Variants in COL11A1 observed in about 807,000 individuals in gnomAD.
The protein encoded by COL11A1 is collagen alpha-1(XI) chain.
Under a neutral mutation model 265.2 loss-of-function variants are expected in COL11A1, and 74 were observed. The observed-to-expected ratio is 0.28, with a 90% CI of 0.23 to 0.34. The LOEUF (loss-of-function observed/expected upper bound fraction) is 0.34, where lower values mean the gene tolerates loss of function less well. Among genes scored for constraint, COL11A1 ranks in the 10% least tolerant of loss-of-function variants. The pLI is 1.00. For synonymous variants in COL11A1, 816 were observed against 727.6 expected, an observed-to-expected ratio of 1.12 and a Z score of -1.96; for missense variants, 2,165 against 2,263.6, an observed-to-expected ratio of 0.96 and a Z score of 0.88.
intron 28 of COL11A1, among the ~76,000 whole-genome samples, chr1:102,994,775 A>T (rs753115206): frequency 6.6e-6 from 1 of 152,130 alleles, no homozygotes; most frequent in Non-Finnish European, 1.5e-5. Flanking sequence ...TGAGTGTATT[A>T]GTCCGCTTTT....
At chr1:103,096,190 G>C (rs1391374845) in intron 1 of COL11A1, among the ~76,000 whole-genome samples, 3 of 151,936 alleles carry the variant, frequency 2.0e-5, no homozygotes, top group Non-Finnish European at 2.9e-5. Flanking sequence ...CTGCTGTGTT[G>C]AGAAGAAACT....
At chr1:102,895,555 A>G (rs573744634) in intron 57 of COL11A1, among the ~76,000 whole-genome samples, 2 of 152,132 alleles carry the variant, frequency 1.3e-5, no homozygotes, top group African/African-American at 4.8e-5. Flanking sequence ...GGATGTGAAT[A>G]TATGTTATAA....
chr1:102,983,912 T>C (rs946547535), intron 31 of COL11A1, among the ~76,000 whole-genome samples: 3 of 152,136 alleles, frequency 2.0e-5, no homozygotes. Context: ...TTACCGATTA[T>C]GCCTTCGTTT....
chr1:103,108,173 C>T lies in COL11A1; in HGVS notation c.6G>A (p.Glu2=), dbSNP rs2102453487. The T allele has an allele frequency of 6.2e-7, 1 of 1,613,598 alleles. No homozygotes were observed. Among genetic ancestry groups the T allele is most frequent in the Non-Finnish European group, 8.5e-7 (1 of 1,179,822 alleles). Residue 2 remains glutamate, a synonymous_variant, in exon 1 of 67, where the codon GAG becomes GAA. Coordinates refer to ENST00000370096, the MANE Select transcript of COL11A1 (RefSeq NM_001854.4). M[E]PWSSRWKTKR... Reference sequence around the variant, plus strand: ...TCGTTTTCCACCTAGAGGACCACGGCTCCATCTCCGAGCCCCGCACTCACA... The same window carrying T: ...TCGTTTTCCACCTAGAGGACCACGGTTCCATCTCCGAGCCCCGCACTCACA...
At chr1:103,095,916 T>C (rs534144409) in intron 1 of COL11A1, among the ~76,000 whole-genome samples, 8 of 152,178 alleles carry the variant, frequency 5.3e-5, no homozygotes, top group Non-Finnish European at 8.8e-5. Flanking sequence ...TAAAAAAGAT[T>C]GACTGCATGG....
At chr1:103,004,798 A>G in intron 18 of COL11A1, 137 bp from the exon 19 acceptor site, 2 of 658,664 alleles carry the variant, frequency 3.0e-6, no homozygotes, top group South Asian at 4.7e-5. Context: ...TCCTCAAAAA[A>G]TTTTGCAGAT....
chr1:103,074,838 G>A lies in COL11A1; in HGVS notation c.489-58C>T, dbSNP rs972713482. The A allele has an allele frequency of 2.0e-5, 31 of 1,569,010 alleles. No homozygotes were observed. The African/African-American group carries it at 3.4e-4, about 17-fold the overall frequency. Reference sequence around the variant, plus strand: ...CAAAGAAACAGTGGTTGCCAAAGCAGTATTCACATAAAAATGCTGTGTATT... The same window carrying A: ...CAAAGAAACAGTGGTTGCCAAAGCAATATTCACATAAAAATGCTGTGTATT... On this transcript the variant is annotated intron_variant, in intron 3 of 66. Coordinates refer to ENST00000370096, the MANE Select transcript of COL11A1 (RefSeq NM_001854.4).
At chr1:102,989,183 CAAA>C (rs1324198831) in intron 29 of COL11A1, among the ~76,000 whole-genome samples, 1 of 151,862 alleles carries the variant, frequency 6.6e-6, no homozygotes, top group Non-Finnish European at 1.5e-5. Flanking sequence ...GCAAACTTAT[CAAA>C]TTACTTCTAG....
chr1:102,959,432 C>A (rs1342822224), intron 41 of COL11A1, among the ~76,000 whole-genome samples: 1 of 138,822 alleles, frequency 7.2e-6, no homozygotes, highest in Non-Finnish European at 1.6e-5. Flanking sequence ...GTAATCTGCA[C>A]TCTGTGAAGC....
chr1:103,013,434 T>C lies in COL11A1; in HGVS notation c.1573-965A>G, dbSNP rs958656355. On this transcript the variant is annotated intron_variant, in intron 13 of 66. Coordinates refer to ENST00000370096, the MANE Select transcript of COL11A1 (RefSeq NM_001854.4). Reference sequence around the variant, plus strand: ...CATAAAATATTTAAGTTCAAATAATTACCTTAAAATCGTTCAAAAGAATAT... The same window carrying C: ...CATAAAATATTTAAGTTCAAATAATCACCTTAAAATCGTTCAAAAGAATAT... Among the ~76,000 whole-genome samples the C allele has an allele frequency of 5.9e-5, 9 of 152,084 alleles. No homozygotes were observed. In the East Asian group the frequency reaches 1.5e-3, roughly 26 times the overall value.
intron 31 of COL11A1, among the ~76,000 whole-genome samples, chr1:102,983,452 C>G (rs2101709835): frequency 6.6e-6 from 1 of 152,076 alleles, no homozygotes; most frequent in East Asian, 1.9e-4. Context: ...GGCGAGTGTT[C>G]TTACAAGAGA....
intron 4 of COL11A1, among the ~76,000 whole-genome samples, chr1:103,071,226 C>A (rs955555699): frequency 6.6e-6 from 1 of 150,816 alleles, no homozygotes; most frequent in Non-Finnish European, 1.5e-5. Flanking sequence ...GAAAGACCTG[C>A]AATAATCTGT....
At chr1:103,067,662 A>G (rs988001912) in intron 4 of COL11A1, among the ~76,000 whole-genome samples, 1 of 151,764 alleles carries the variant, frequency 6.6e-6, no homozygotes, top group Non-Finnish European at 1.5e-5. Context: ...ACAGAGCCTG[A>G]AACTGGTTTG....
Position 102,880,074 on chromosome 1 carries a change from C to T in COL11A1, c.5041-158G>A, listed in dbSNP as rs368240232. ...ATGAAAAAAAGTGTACATTGAGGGT[C>T]AGAAGACCCAGAGACAAGATTTTAT... is the stretch of plus-strand genomic sequence containing the variant. On this transcript the variant is annotated intron_variant, in intron 65 of 66. Transcript: ENST00000370096. 72 of 609,258 alleles carry T rather than the reference C, an allele frequency of 1.2e-4. 1 individual carries two copies. The Middle Eastern group carries it at 3.5e-3, about 30-fold the overall frequency. The allele number at this position is 609,258 out of a possible 1,614,324, so 37.7% of individuals were successfully genotyped here. A position where few individuals can be genotyped will look rare whatever the true frequency, so the allele number is the denominator to read the frequency against.
At chr1:103,044,389 T>C (rs1376412652) in intron 4 of COL11A1, among the ~76,000 whole-genome samples, 1 of 152,116 alleles carries the variant, frequency 6.6e-6, no homozygotes, top group African/African-American at 2.4e-5. Context: ...ATCCCAAAAC[T>C]AACTTAAGAA....
chr1:102,962,807 G>A, intron 38 of COL11A1, 47 bp from the exon 39 acceptor site: 2 of 1,547,784 alleles, frequency 1.3e-6, no homozygotes, highest in Non-Finnish European at 1.8e-6. Context: ...TTTATTTTTG[G>A]CAAAGATAAC....
intron 6 of COL11A1, 154 bp downstream of exon 6, chr1:103,026,062 A>C: frequency 1.6e-6 from 2 of 1,250,334 alleles, no homozygotes; most frequent in Non-Finnish European, 2.4e-6. Context: ...ATCATTCTTC[A>C]AAACGGCTAC....
At chr1:102,987,851 C>G (rs373070269) in intron 29 of COL11A1, 111 bp from the exon 30 acceptor site, 12 of 797,630 alleles carry the variant, frequency 1.5e-5, no homozygotes, top group East Asian at 1.3e-4. Context: ...CTCCATCTTG[C>G]CTTTTACCTT....
chr1:102,914,951 T>C (rs1350812148), intron 50 of COL11A1, 140 bp from the exon 51 acceptor site: 4 of 707,914 alleles, frequency 5.7e-6, no homozygotes, highest in Non-Finnish European at 9.4e-6. Flanking sequence ...TGTCACCAAG[T>C]TGGAGTGTAG....
Sources: gnomAD v4.1 joint callset for allele counts (sites outside exome capture counted in the v4.1 genomes callset) on GRCh38, gnomAD v4.1.1 for gene constraint, MANE v1.5 for transcripts, NCBI Gene and HGNC (gene_info 2026-07-23, HGNC 2026-07-21) for gene names.